The following BANP variants were observed in gnomAD, a reference collection of about 807,000 sequenced individuals.
BANP encodes BTG3 associated nuclear protein.
BANP carries 11 observed loss-of-function variants against 68.1 expected under a neutral mutation model. That is an observed-to-expected ratio of 0.16 (90% CI 0.10 to 0.27). The LOEUF (loss-of-function observed/expected upper bound fraction) is 0.27. Among genes scored for constraint, BANP ranks in the 10% least tolerant of loss-of-function variants. BANP has a pLI of 1.00. For synonymous variants in BANP, 329 were observed against 303.2 expected (o/e 1.09, Z -0.88); for missense variants, 504 against 722.7 (o/e 0.70, Z 3.47).
intron 4 of BANP, among the ~76,000 whole-genome samples, chr16:87,992,543 C>G (rs1248847297): frequency 6.6e-6 from 1 of 152,004 alleles, no homozygotes; most frequent in Admixed American, 6.6e-5. Flanking sequence ...CCTATAATCC[C>G]AGCACTTTGG....
intron 1 of BANP, among the ~76,000 whole-genome samples, chr16:87,971,243 C>T (rs1597908748): frequency 6.6e-6 from 1 of 152,282 alleles, no homozygotes; most frequent in Non-Finnish European, 1.5e-5. Context: ...ATTGTGTCTG[C>T]GTTTAGCACA....
intron 11 of BANP, among the ~76,000 whole-genome samples, chr16:88,062,264 C>G (rs57918540): frequency 6.6e-6 from 1 of 152,128 alleles, no homozygotes; most frequent in African/African-American, 2.4e-5. Context: ...GATTTTGTAT[C>G]TAAATAGTAC....
intron 4 of BANP, among the ~76,000 whole-genome samples, chr16:87,986,111 G>A (rs1188365645): frequency 1.3e-5 from 2 of 152,154 alleles, no homozygotes; most frequent in African/African-American, 4.8e-5. Flanking sequence ...AGTACTCTCT[G>A]AATCTTGACC....
chr16:87,950,078 C>T (rs1002662190), upstream of BANP, among the ~76,000 whole-genome samples: 3 of 152,046 alleles, frequency 2.0e-5, no homozygotes, highest in Admixed American at 6.5e-5. Context: ...GGGGTTTCAC[C>T]GTGTTAGCCA....
chr16:88,063,712 C>A (rs767377496), intron 11 of BANP, among the ~76,000 whole-genome samples: 1 of 152,172 alleles, frequency 6.6e-6, no homozygotes, highest in Non-Finnish European at 1.5e-5. Context: ...GTGGAAGGCA[C>A]GTCATGGCAT....
At position 88,003,068 on chromosome 16, in the gene BANP, T is replaced by C. The variant is rs1197056211; in HGVS notation, c.363-1227T>C. Among the ~76,000 whole-genome samples the C allele has an allele frequency of 1.3e-5, 2 of 152,176 alleles. No homozygotes were observed. The highest frequency in any genetic ancestry group is 1.5e-5 in the Non-Finnish European group (1 of 68,024). ...TCCAGTTCTACATCTCTGAGGAGCA[T>C]AGGACTGTCACAGCCTGTAGGTGAC... is the stretch of plus-strand genomic sequence containing the variant. On this transcript the variant is annotated intron_variant, in intron 4 of 13. Coordinates refer to ENST00000682872, the MANE Select transcript of BANP (RefSeq NM_001386991.1). The surrounding 1 kb of genome is among the most constrained non-coding windows in gnomAD (Gnocchi z 6.1).
At chr16:88,058,203 A>C (rs2085652553) in intron 11 of BANP, among the ~76,000 whole-genome samples, 1 of 151,972 alleles carries the variant, frequency 6.6e-6, no homozygotes, top group African/African-American at 2.4e-5. Context: ...CCTGAAAGAG[A>C]AGCTTTTGTT....
At chr16:88,023,992 G>C (rs187690745) in intron 7 of BANP, among the ~76,000 whole-genome samples, 169 of 152,352 alleles carry the variant, frequency 1.1e-3, no homozygotes, top group African/African-American at 3.9e-3. Flanking sequence ...ACGCCACGCT[G>C]TGGGGATCCC....
At chr16:87,956,139 A>T (rs147685320) in intron 1 of BANP, among the ~76,000 whole-genome samples, 1 of 152,348 alleles carries the variant, frequency 6.6e-6, no homozygotes, top group African/African-American at 2.4e-5. Flanking sequence ...GTGATACTGT[A>T]CAAATCCCAA....
At chr16:88,025,460 A>G (rs1447818993) in intron 7 of BANP, among the ~76,000 whole-genome samples, 1 of 152,200 alleles carries the variant, frequency 6.6e-6, no homozygotes, top group Non-Finnish European at 1.5e-5. Context: ...TGGAAGCCAA[A>G]GGGCGGCTGC....
At chr16:88,070,846 GT>G (rs2090124701) in intron 12 of BANP, among the ~76,000 whole-genome samples, 1 of 152,228 alleles carries the variant, frequency 6.6e-6, no homozygotes, top group African/African-American at 2.4e-5. Context: ...TCTGGGCGCC[GT>G]ACTTTGCTAA....
At chr16:88,012,664 C>G (rs1191262160) in intron 6 of BANP, among the ~76,000 whole-genome samples, 1 of 152,224 alleles carries the variant, frequency 6.6e-6, no homozygotes, top group East Asian at 1.9e-4. Flanking sequence ...GACCGTGGAG[C>G]TACATTTCCC....
At chr16:87,958,612 T>C (rs1266316540) in intron 1 of BANP, among the ~76,000 whole-genome samples, 1 of 152,046 alleles carries the variant, frequency 6.6e-6, no homozygotes, top group African/African-American at 2.4e-5. Flanking sequence ...GGAGGATCAC[T>C]CGAGCCCGGG....
At position 88,057,949 on chromosome 16, in the gene BANP, C is replaced by T. The variant is rs2085571820; in HGVS notation, c.1312-7318C>T. 6.6e-6 allele frequency among the ~76,000 whole-genome samples: 1 copy of T among 152,170 alleles called. No individual in the cohort carries two copies. The highest frequency in any genetic ancestry group is 2.1e-4 in the South Asian group (1 of 4,832). ...CCAGGCGCCGAGGCTCGGTGTGGGC[C>T]CGTGGGCCTGATTGAAGTCACACTC... is the stretch of plus-strand genomic sequence containing the variant. On this transcript the variant is annotated intron_variant, in intron 11 of 13. Transcript: ENST00000682872. The surrounding 1 kb of genome is among the most constrained non-coding windows in gnomAD (Gnocchi z 4.6).
chr16:87,996,600 C>T (rs1033095327), intron 4 of BANP, among the ~76,000 whole-genome samples: 5 of 149,868 alleles, frequency 3.3e-5, no homozygotes, highest in South Asian at 4.3e-4. Flanking sequence ...TCCTGGGCGC[C>T]GGCTGGGCTC....
chr16:87,989,424 C>T (rs778054829), intron 4 of BANP, among the ~76,000 whole-genome samples: 2 of 152,244 alleles, frequency 1.3e-5, no homozygotes, highest in Admixed American at 6.5e-5. Flanking sequence ...ATCCAGGGCA[C>T]GCACATGCTC....
intron 11 of BANP, among the ~76,000 whole-genome samples, chr16:88,045,753 T>C (rs1306979752): frequency 7.8e-6 from 1 of 127,756 alleles, no homozygotes; most frequent in East Asian, 2.5e-4. Context: ...AGGGCCCGGC[T>C]GTGGTTGGCA....
intron 1 of BANP, among the ~76,000 whole-genome samples, chr16:87,969,104 C>T (rs2060651162): frequency 1.3e-5 from 2 of 152,186 alleles, no homozygotes; most frequent in South Asian, 4.1e-4. Context: ...TTCACGGGAT[C>T]CTGCACCTTG....
rs767784511 is a variant in BANP, at chr16:87,981,086, C to T, written c.121C>T (p.Arg41Cys). ...AGATGAAGACGAACCTGCTTTGAAA[C>T]GCCAGCGACTAGAAATCAATTGCCA... ...VTDEDEPALK[R>C]QRLEINCQDP... Residue 41 changes from arginine to cysteine, a missense_variant, in exon 3 of 14, where the codon CGC (arginine) becomes TGC (cysteine). Physicochemically the swap from Arg to Cys is radical, Grantham distance 180. Transcript: ENST00000682872. 5.6e-6 allele frequency: 9 copies of T among 1,613,888 alleles called. No individual in the cohort carries two copies. The highest frequency in any genetic ancestry group is 4.5e-5 in the East Asian group (2 of 44,900).
Sources: allele counts gnomAD v4.1 joint callset (sites outside exome capture counted in the v4.1 genomes callset), GRCh38; gene constraint gnomAD v4.1.1; non-coding constraint Gnocchi (gnomAD v3.1); transcripts MANE v1.5; gene names NCBI Gene and HGNC (gene_info 2026-07-23, HGNC 2026-07-21).